The following DPYSL3 variants were observed in gnomAD, a reference collection of about 807,000 sequenced individuals.
DPYSL3 encodes the protein dihydropyrimidinase like 3.
Under a neutral mutation model 66.1 loss-of-function variants are expected in DPYSL3, and 16 were observed. The observed-to-expected ratio is 0.24, with a 90% CI of 0.16 to 0.37. The LOEUF is 0.37. Among genes scored for constraint, DPYSL3 ranks in the 10% least tolerant of loss-of-function variants. DPYSL3 has a pLI of 1.00. For missense variants in DPYSL3, 738 were observed against 916.2 expected, an observed-to-expected ratio of 0.81 and a Z score of 2.51; for synonymous variants, 338 against 345.1, an observed-to-expected ratio of 0.98 and a Z score of 0.23.
chr5:147,491,745 C>G (rs1226440527), intron 1 of DPYSL3, among the ~76,000 whole-genome samples: 2 of 148,574 alleles, frequency 1.3e-5, no homozygotes, highest in African/African-American at 5.0e-5. Flanking sequence ...AACTGAAATG[C>G]AGGGAGAAAA....
intron 1 of DPYSL3, among the ~76,000 whole-genome samples, chr5:147,468,462 T>C (rs1005787582): frequency 2.0e-5 from 3 of 152,228 alleles, no homozygotes; most frequent in Admixed American, 2.0e-4. Flanking sequence ...ATAGTTAGTC[T>C]TTATTTTGTC....
At chr5:147,398,997 G>A (rs1758081870) in intron 11 of DPYSL3, 85 bp downstream of exon 11, 3 of 1,525,062 alleles carry the variant, frequency 2.0e-6, no homozygotes, top group Non-Finnish European at 2.7e-6. Context: ...AACTACCCTG[G>A]CACACCACAT....
At chr5:147,492,470 T>C (rs1428317618) in intron 1 of DPYSL3, among the ~76,000 whole-genome samples, 2 of 152,142 alleles carry the variant, frequency 1.3e-5, no homozygotes, top group African/African-American at 4.8e-5. Context: ...TATATGCTGA[T>C]GTACATACAT....
chr5:147,507,230 C>G (rs915685006), intron 1 of DPYSL3, among the ~76,000 whole-genome samples: 1 of 151,972 alleles, frequency 6.6e-6, no homozygotes, highest in Non-Finnish European at 1.5e-5. Context: ...AGTGCACATA[C>G]CTAAAAATCA....
At chr5:147,421,093 CATA>C (rs1366654250) in intron 2 of DPYSL3, among the ~76,000 whole-genome samples, 1 of 152,178 alleles carries the variant, frequency 6.6e-6, no homozygotes, top group Admixed American at 6.5e-5. Flanking sequence ...TTGCAGATGA[CATA>C]ATTGTATATT....
intron 1 of DPYSL3, among the ~76,000 whole-genome samples, chr5:147,451,100 T>C (rs577650073): frequency 2.6e-5 from 4 of 152,198 alleles, no homozygotes; most frequent in Non-Finnish European, 4.4e-5. Flanking sequence ...CATACATAAA[T>C]ATTTTATTCT....
At chr5:147,465,866 C>A (rs1352382608) in intron 1 of DPYSL3, among the ~76,000 whole-genome samples, 1 of 152,150 alleles carries the variant, frequency 6.6e-6, no homozygotes, top group East Asian at 1.9e-4. Context: ...TCTCCCTGAT[C>A]CTTCTTTTTC....
chr5:147,469,988 A>G (rs1753061866), intron 1 of DPYSL3, among the ~76,000 whole-genome samples: 1 of 152,204 alleles, frequency 6.6e-6, no homozygotes, highest in African/African-American at 2.4e-5. Context: ...ACCTTTGGAC[A>G]TTGCTTCAGC....
intron 1 of DPYSL3, chr5:147,473,102 A>G (rs1753107525): frequency 6.6e-6 from 1 of 152,216 alleles, no homozygotes; most frequent in Non-Finnish European, 1.5e-5. Flanking sequence ...CTTGTAATAA[A>G]ATAAATAAAA....
intron 4 of DPYSL3, among the ~76,000 whole-genome samples, chr5:147,414,314 C>T (rs1253260735): frequency 6.6e-6 from 1 of 152,216 alleles, no homozygotes; most frequent in Non-Finnish European, 1.5e-5. Context: ...GCAGGTTTTA[C>T]CTTGTGCTTA....
intron 1 of DPYSL3, among the ~76,000 whole-genome samples, chr5:147,475,191 A>G (rs1420669918): frequency 6.6e-6 from 1 of 152,058 alleles, no homozygotes; most frequent in East Asian, 1.9e-4. Flanking sequence ...AAAACCTGGA[A>G]ACACCCCAAA....
Position 147,509,471 on chromosome 5 carries a change from C to T in DPYSL3, c.381+7G>A. ...GCAAGGAGGGAAGTGACCCGGGGCC[C>T]CCTTACCTTGTCCTTGGGGCCGAGG... On this transcript the variant is annotated splice_region_variant and intron_variant, in intron 1 of 13. Coordinates refer to ENST00000343218, the MANE Select transcript of DPYSL3 (RefSeq NM_001197294.2). The surrounding 1 kb of genome is among the most constrained non-coding windows in gnomAD (Gnocchi z 5.3). 2.0e-6 allele frequency: 3 copies of T among 1,509,926 alleles called. No homozygotes were observed. Among genetic ancestry groups the T allele is most frequent in the Non-Finnish European group, 2.6e-6 (3 of 1,133,486 alleles). 93.5% of individuals were successfully genotyped at this position (1,509,926 alleles called of 1,614,324 possible). A position where few individuals can be genotyped will look rare whatever the true frequency, so the allele number is the denominator to read the frequency against.
chr5:147,470,380 A>T (rs1162503108), intron 1 of DPYSL3, among the ~76,000 whole-genome samples: 1 of 151,994 alleles, frequency 6.6e-6, no homozygotes, highest in Non-Finnish European at 1.5e-5. Flanking sequence ...TCAGCTGGTG[A>T]CACCTCCCTT....
chr5:147,452,850 AAAGAAATGAAAAATGTAAAGT>A (rs1453935271), intron 1 of DPYSL3, among the ~76,000 whole-genome samples: 2 of 148,258 alleles, frequency 1.3e-5, no homozygotes, highest in Non-Finnish European at 3.0e-5. Flanking sequence ...GTGAGGGAGA[AAAGAAATGAAAAATGTAAAGT>A]GCATCGAAGG....
chr5:147,451,571 G>A (rs930653083), intron 1 of DPYSL3, among the ~76,000 whole-genome samples: 4 of 152,158 alleles, frequency 2.6e-5, no homozygotes, highest in Non-Finnish European at 5.9e-5. Context: ...AGAAGAATGG[G>A]TGTGGCTCTC....
chr5:147,453,967 CTT>C, intron 1 of DPYSL3: 3 of 255,958 alleles, frequency 1.2e-5, no homozygotes, highest in Non-Finnish European at 2.2e-5. Flanking sequence ...GCCTCACCCA[CTT>C]TTTCTTTTTC....
At chr5:147,493,640 A>G (rs1304882146) in intron 1 of DPYSL3, among the ~76,000 whole-genome samples, 20 of 152,192 alleles carry the variant, frequency 1.3e-4, no homozygotes, top group Admixed American at 1.3e-3. Flanking sequence ...GATCCAGCAG[A>G]CAGAAAATTA....
At chr5:147,445,074 A>C (rs977539588) in intron 1 of DPYSL3, among the ~76,000 whole-genome samples, 1 of 152,196 alleles carries the variant, frequency 6.6e-6, no homozygotes, top group African/African-American at 2.4e-5. Context: ...CTCTATATGA[A>C]AGACGACATA....
At chr5:147,475,143 G>A (rs1334295939) in intron 1 of DPYSL3, among the ~76,000 whole-genome samples, 1 of 152,034 alleles carries the variant, frequency 6.6e-6, no homozygotes, top group Non-Finnish European at 1.5e-5. Flanking sequence ...GCAAAAACCT[G>A]TAGGGGAATG....
Sources: allele counts gnomAD v4.1 joint callset (sites outside exome capture counted in the v4.1 genomes callset), GRCh38; gene constraint gnomAD v4.1.1; non-coding constraint Gnocchi (gnomAD v3.1); transcripts MANE v1.5; gene names NCBI Gene and HGNC (gene_info 2026-07-23, HGNC 2026-07-21).